Variants in TRIM8 observed in about 807,000 individuals in gnomAD.
The protein encoded by TRIM8 is tripartite motif containing 8, also known as E3 ubiquitin-protein ligase TRIM8.
A neutral mutation model predicts 55.7 loss-of-function variants in TRIM8; 9 were observed. That is an observed-to-expected ratio of 0.16 (90% CI 0.10 to 0.28). The LOEUF is 0.28. Ranked by LOEUF, TRIM8 falls within the 10% of genes least tolerant of loss-of-function variation. The pLI is 1.00. For synonymous variants in TRIM8, 335 were observed against 333.3 expected, an observed-to-expected ratio of 1.01 and a Z score of -0.06; for missense variants, 556 against 736.4, an observed-to-expected ratio of 0.76 and a Z score of 2.83.
intron 1 of TRIM8, among the ~76,000 whole-genome samples, chr10:102,647,173 C>T (rs1441432936): frequency 3.3e-5 from 5 of 152,182 alleles, no homozygotes; most frequent in African/African-American, 7.2e-5. Context: ...TTTCCAGACT[C>T]GTGGATTGGA....
intron 1 of TRIM8, 149 bp from the exon 2 acceptor site, chr10:102,654,504 G>A: frequency 1.4e-6 from 1 of 690,406 alleles, no homozygotes; most frequent in Non-Finnish European, 2.7e-6. Flanking sequence ...TAGGCCCCTG[G>A]GATTGGAGGG....
intron 1 of TRIM8, among the ~76,000 whole-genome samples, chr10:102,648,663 G>A (rs1245175935): frequency 6.6e-6 from 1 of 152,166 alleles, no homozygotes; most frequent in Non-Finnish European, 1.5e-5. Context: ...CGCAGTGAGA[G>A]TGAGGGCTGG....
rs2064026077 is a variant in TRIM8 at position 102,656,457 on chromosome 10, C to T, written c.1048+72C>T. ...GGGGTTCAGCGCCACAGCCTTCCCT[C>T]CAAGAGGCAGTGTGGCCCAGTCTGG... On this transcript the variant is annotated intron_variant, in intron 5 of 5. Coordinates refer to ENST00000643721, the MANE Select transcript of TRIM8 (RefSeq NM_030912.3). The surrounding 1 kb of genome is among the most constrained non-coding windows in gnomAD (Gnocchi z 4.6). 6.5e-7 allele frequency: 1 copy of T among 1,544,832 alleles called. No individual in the cohort carries two copies. Among genetic ancestry groups the T allele is most frequent in the Admixed American group, 2.0e-5 (1 of 51,272 alleles).
chr10:102,655,214 G>A lies in TRIM8; in HGVS notation c.801G>A (p.Ala267=), dbSNP rs149975156. 2.5e-5 allele frequency: 40 copies of A among 1,607,104 alleles called. No homozygotes were observed. The highest frequency in any genetic ancestry group is 1.4e-4 in the Admixed American group (8 of 56,886). ...AQAKFCSENA[A]QALHLGERMQ... ...CCAAGTTCTGCAGCGAGAACGCAGC[G>A]CAGGCGCTGCACCTCGGGGAGCGCA... Residue 267 remains alanine, a synonymous_variant, in exon 3 of 6, where the codon GCG becomes GCA. Transcript: ENST00000643721.
In TRIM8 at chr10:102,657,347, C is replaced by T; in HGVS notation, c.1649C>T (p.Thr550Met). The T allele has an allele frequency of 6.4e-7, 1 of 1,566,384 alleles. No homozygotes were observed. The highest frequency in any genetic ancestry group is 8.7e-7 in the Non-Finnish European group (1 of 1,152,394). The part of the protein sequence containing the change: ...YGQPSTKHYV[T>M]S ...CAGCCGTCCACCAAACACTACGTGA[C>T]GAGCTAACGCCACGCAGGCGGCGGG... The change falls in exon 6 of 6, where the codon ACG becomes ATG. Residue 550 changes from threonine to methionine, a missense_variant. Thr to Met is a moderately conservative substitution (Grantham distance 81, BLOSUM62 -1). Around this residue, in one of 2 missense-constraint regions of TRIM8, gnomAD observed 391 missense variants for 441.0 expected, o/e 0.89. Coordinates refer to ENST00000643721, the MANE Select transcript of TRIM8 (RefSeq NM_030912.3).
Position 102,657,311 on chromosome 10 carries a change from G to A in TRIM8, c.1613G>A (p.Arg538Lys). Residue 538 changes from arginine to lysine, a missense_variant, in exon 6 of 6, where the codon AGG (arginine) becomes AAG (lysine). Arg to Lys is a conservative substitution (Grantham distance 26). Transcript: ENST00000643721. ...CAGCCCGGCCACCAGGATTTCTACA[G>A]GGTGTATGGGCAGCCGTCCACCAAA... Reference protein sequence around the residue: ...SQQPGHQDFYRVYGQPSTKHY... With the variant: ...SQQPGHQDFYKVYGQPSTKHY... The A allele has an allele frequency of 6.2e-7, 1 of 1,610,036 alleles. No individual in the cohort carries two copies. Among genetic ancestry groups the A allele is most frequent in the Non-Finnish European group, 8.5e-7 (1 of 1,177,690 alleles).
At chr10:102,652,517 C>T (rs1484722370) in intron 1 of TRIM8, among the ~76,000 whole-genome samples, 1 of 152,122 alleles carries the variant, frequency 6.6e-6, no homozygotes, top group Non-Finnish European at 1.5e-5. Context: ...AACCCATGGG[C>T]TTATTGAGTG....
rs770821545 is a variant in TRIM8 at position 102,656,407 on chromosome 10, G to C, written c.1048+22G>C. 1.3e-6 allele frequency: 2 copies of C among 1,598,728 alleles called. No homozygotes were observed. The highest frequency in any genetic ancestry group is 1.7e-6 in the Non-Finnish European group (2 of 1,171,720). On this transcript the variant is annotated intron_variant, in intron 5 of 5. Transcript: ENST00000643721. The surrounding 1 kb of genome is among the most constrained non-coding windows in gnomAD (Gnocchi z 4.6). ...GAAGGTGAGGGTGGGGTGTTCCGCC[G>C]AAGGGAGACAGGGACCTTTGGGGAG...
Position 102,644,592 on chromosome 10 carries a change from G to T in TRIM8, c.-26G>T, listed in dbSNP as rs1164675861. ...CGGGGCTGGGGAGTCGGGGAGGCCT[G>T]CCCCGGCCCCCTGCCCGCGGCCGCC... On this transcript the variant is annotated 5_prime_UTR_variant, in exon 1 of 6. Coordinates refer to ENST00000643721, the MANE Select transcript of TRIM8 (RefSeq NM_030912.3). 2 of 1,604,104 alleles carry T rather than the reference G, an allele frequency of 1.2e-6. No homozygotes were observed. The highest frequency in any genetic ancestry group is 2.2e-5 in the South Asian group (2 of 90,214).
intron 1 of TRIM8, among the ~76,000 whole-genome samples, chr10:102,648,014 C>T (rs2063950205): frequency 6.6e-6 from 1 of 152,226 alleles, no homozygotes; most frequent in African/African-American, 2.4e-5. Flanking sequence ...CCCTAATCTT[C>T]CCTTGGGAAG....
At chr10:102,654,542 TG>T in intron 1 of TRIM8, 110 bp from the exon 2 acceptor site, 1 of 877,244 alleles carries the variant, frequency 1.1e-6, no homozygotes, top group East Asian at 2.4e-5. Context: ...AGCAGAGGCT[TG>T]GTGCCATCGG....
intron 1 of TRIM8, chr10:102,649,190 GGGCTT>G (rs1590105579): frequency 6.6e-6 from 1 of 152,336 alleles, no homozygotes. Context: ...TCTGCCTGCC[GGGCTT>G]GCTGAGCGCC....
At chr10:102,650,700 G>A (rs1296293891) in intron 1 of TRIM8, among the ~76,000 whole-genome samples, 1 of 152,224 alleles carries the variant, frequency 6.6e-6, no homozygotes, top group African/African-American at 2.4e-5. Context: ...GCTCTGAACT[G>A]AGCTGGGAAA....
Position 102,657,442 on chromosome 10 carries a change from T to A in TRIM8, c.*88T>A, listed in dbSNP as rs2064036981. 3 of 1,433,826 alleles carry A rather than the reference T, an allele frequency of 2.1e-6. No individual in the cohort carries two copies. The highest frequency in any genetic ancestry group is 2.4e-5 in the East Asian group (1 of 41,974). 88.8% of individuals were successfully genotyped at this position (1,433,826 alleles called of 1,614,324 possible). On this transcript the variant is annotated 3_prime_UTR_variant, in exon 6 of 6. Transcript: ENST00000643721. ...GCATCCAGAGACCTGCCCTTCTACC[T>A]TCCTCGCCTCCCCTCTTCCTCATTC...
chr10:102,651,430 G>A (rs2063984035), intron 1 of TRIM8, among the ~76,000 whole-genome samples: 1 of 152,186 alleles, frequency 6.6e-6, no homozygotes, highest in Non-Finnish European at 1.5e-5. Context: ...GGGCAAAGGG[G>A]CACCCACCAG....
Position 102,657,633 on chromosome 10 carries a change from GCTCT to G in TRIM8, c.*286_*289del, listed in dbSNP as rs773438873. 16 of 360,746 alleles carry G rather than the reference GCTCT, an allele frequency of 4.4e-5. No homozygotes were observed. The highest frequency in any genetic ancestry group is 8.4e-5 in the African/African-American group (4 of 47,420). 22.3% of individuals were successfully genotyped at this position (360,746 alleles called of 1,614,324 possible). A position where few individuals can be genotyped will look rare whatever the true frequency, so the allele number is the denominator to read the frequency against. ...GAAAGTGTCTGTGTCGAGGCGCTGA[GCTCT>G]CTCTCTGTTTCTCCTTTTTTCCTCT... is the stretch of plus-strand genomic sequence containing the variant. On this transcript the variant is annotated 3_prime_UTR_variant, in exon 6 of 6. Transcript: ENST00000643721.
intron 1 of TRIM8, chr10:102,653,847 C>G (rs1300201264): frequency 1.3e-5 from 2 of 152,278 alleles, no homozygotes; most frequent in Non-Finnish European, 2.9e-5. Context: ...CCCCCTGCAT[C>G]TTAGGGTACT....
chr10:102,655,051 C>T, intron 2 of TRIM8, 29 bp from the exon 3 acceptor site: 1 of 1,609,362 alleles, frequency 6.2e-7, no homozygotes. Context: ...GCTTACCTGC[C>T]TGCCCACTCC....
At chr10:102,646,672 A>T (rs2063938329) in intron 1 of TRIM8, among the ~76,000 whole-genome samples, 1 of 152,136 alleles carries the variant, frequency 6.6e-6, no homozygotes, top group Admixed American at 6.5e-5. Context: ...TGTGTCCTCC[A>T]TCCCCGTTCA....
Sources: gnomAD v4.1 joint callset for allele counts (sites outside exome capture counted in the v4.1 genomes callset) on GRCh38, gnomAD v4.1.1 for gene constraint, gnomAD v4.1.1 regional missense constraint, Gnocchi (gnomAD v3.1) non-coding constraint, MANE v1.5 for transcripts, NCBI Gene and HGNC (gene_info 2026-07-23, HGNC 2026-07-21) for gene names.